Variants in TCIRG1 observed in about 807,000 individuals in gnomAD.
The protein encoded by TCIRG1 is V-type proton ATPase 116 kDa subunit a 3.
A neutral mutation model predicts 95.5 loss-of-function variants in TCIRG1; 86 were observed. That is an observed-to-expected ratio of 0.90 (90% CI 0.76 to 1.08). TCIRG1 has a LOEUF of 1.08. Among genes scored for constraint, TCIRG1 ranks in the 50% least tolerant of loss-of-function variants. The probability of loss-of-function intolerance (pLI) is 0.00; values close to 1 mark genes in which losing one functional copy is unlikely to be tolerated. For missense variants in TCIRG1, 1,069 were observed against 1,140.2 expected (o/e 0.94, Z 0.90); for synonymous variants, 499 against 501.3 (o/e 1.00, Z 0.06).
chr11:68,042,482 G>A (rs999534262), intron 3 of TCIRG1, among the ~76,000 whole-genome samples, 161 bp from the exon 4 acceptor site: 9 of 152,178 alleles, frequency 5.9e-5, no homozygotes, highest in Admixed American at 3.9e-4. Flanking sequence ...AGCTCAGGGA[G>A]GGGAGCACAG....
At position 68,047,504 on chromosome 11, in the gene TCIRG1, A is replaced by T; in HGVS notation, c.1237A>T (p.Met413Leu). The part of the protein sequence containing the change: ...MFGDVGHGLL[M>L]FLFALAMVLA... Reference sequence around the variant, plus strand: ...CGGGGATGTGGGCCACGGGCTGCTCATGTTCCTGTTCGCCCTGGCCATGGT... The same window carrying T: ...CGGGGATGTGGGCCACGGGCTGCTCTTGTTCCTGTTCGCCCTGGCCATGGT... Residue 413 changes from methionine to leucine, a missense_variant, in exon 11 of 20, where the codon ATG becomes TTG. Transcript: ENST00000265686. 6.2e-7 allele frequency: 1 copy of T among 1,613,900 alleles called. No individual in the cohort carries two copies. Among genetic ancestry groups the T allele is most frequent in the Middle Eastern group, 1.7e-4 (1 of 6,060 alleles).
rs778611687 is a variant in TCIRG1 at position 68,043,877 on chromosome 11, G to A, written c.777G>A (p.Gln259=). 1.9e-6 allele frequency: 3 copies of A among 1,563,648 alleles called. No individual in the cohort carries two copies. The highest frequency in any genetic ancestry group is 2.6e-6 in the Non-Finnish European group (3 of 1,154,880). Reference sequence around the variant, plus strand: ...AGGCCCGCCTCGGGGCCCTGCAGCAGCTGCAACAGCAGAGCCAGGAGCTGC... The same window carrying A: ...AGGCCCGCCTCGGGGCCCTGCAGCAACTGCAACAGCAGAGCCAGGAGCTGC... The part of the protein sequence containing the change: ...QEEARLGALQ[Q]LQQQSQELQE... Residue 259 remains glutamine, a synonymous_variant, in exon 8 of 20, where the codon CAG becomes CAA. Transcript: ENST00000265686.
chr11:68,051,309 C>G (rs1188866965), downstream of TCIRG1, among the ~76,000 whole-genome samples: 1 of 152,212 alleles, frequency 6.6e-6, no homozygotes, highest in Non-Finnish European at 1.5e-5. Context: ...CCCAAGGCCA[C>G]ACACCTGCCA....
rs1015931687 is a variant in TCIRG1, at chr11:68,044,867, G to A, written c.1021-91G>A. On this transcript the variant is annotated intron_variant, in intron 9 of 19. Coordinates refer to ENST00000265686, the MANE Select transcript of TCIRG1 (RefSeq NM_006019.4). Reference sequence around the variant, plus strand: ...GGGCTGCCCAGTGAGCCCCCACAGGGCTCTACATCTCCAGCTGGGCCTGGC... The same window carrying A: ...GGGCTGCCCAGTGAGCCCCCACAGGACTCTACATCTCCAGCTGGGCCTGGC... 36 of 1,545,448 alleles carry A rather than the reference G, an allele frequency of 2.3e-5. 2 individuals are homozygous for A. In the African/African-American group the frequency reaches 2.7e-4, roughly 12 times the overall value.
intron 18 of TCIRG1, 55 bp from the exon 19 acceptor site, chr11:68,050,431 AG>A: frequency 1.9e-6 from 3 of 1,611,040 alleles, no homozygotes; most frequent in Non-Finnish European, 2.5e-6. Context: ...GCAGGTAGGT[AG>A]GGGGCTGGCA....
intron 13 of TCIRG1, chr11:68,048,347 G>A (rs1462693321): frequency 8.4e-6 from 3 of 356,290 alleles, no homozygotes; most frequent in African/African-American, 2.1e-5. Context: ...AGGCTGGAGT[G>A]CAGTGGTGTG....
rs751411680 is a variant in TCIRG1 at position 68,047,662 on chromosome 11, T to C, written c.1321T>C (p.Phe441Leu). The part of the protein sequence containing the change: ...AAQNEIWQTF[F>L]RGRYLLLLMG... Reference sequence around the variant, plus strand: ...GCCCCCCCAGATCTGGCAGACTTTCTTCAGGGGCCGCTACCTGCTCCTGCT... The same window carrying C: ...GCCCCCCCAGATCTGGCAGACTTTCCTCAGGGGCCGCTACCTGCTCCTGCT... The change falls in exon 12 of 20, where the codon TTC becomes CTC. Residue 441 changes from phenylalanine to leucine, a missense_variant. Coordinates refer to ENST00000265686, the MANE Select transcript of TCIRG1 (RefSeq NM_006019.4). 1 of 1,613,496 alleles carries C rather than the reference T, an allele frequency of 6.2e-7. No homozygotes were observed. Among genetic ancestry groups the C allele is most frequent in the Non-Finnish European group, 8.5e-7 (1 of 1,180,006 alleles).
intron 15 of TCIRG1, 30 bp downstream of exon 15, chr11:68,049,324 A>T: frequency 6.3e-7 from 1 of 1,589,054 alleles, no homozygotes. Context: ...GGCCGGGCTC[A>T]CACGGCCTCA....
Position 68,044,003 on chromosome 11 carries a change from C to CCAGGAGGTGGGTG in TCIRG1, c.807+111_808-102dup, listed in dbSNP as rs1390103168. On this transcript the variant is annotated intron_variant, in intron 8 of 19. Transcript: ENST00000265686. ...GGAGGTGGGTGCCCTGGCCTGGCCT[C>CCAGGAGGTGGGTG]CAGGAGGTGGGTGCAGGAGGTGGGT... 6 of 1,311,182 alleles carry CCAGGAGGTGGGTG rather than the reference C, an allele frequency of 4.6e-6. No homozygotes were observed. In the African/African-American group the frequency reaches 8.9e-5, roughly 19 times the overall value. 81.2% of individuals were successfully genotyped at this position (1,311,182 alleles called of 1,614,324 possible). A position where few individuals can be genotyped will look rare whatever the true frequency, so the allele number is the denominator to read the frequency against.
downstream of TCIRG1, among the ~76,000 whole-genome samples, chr11:68,051,889 G>A (rs1211918357): frequency 6.6e-6 from 1 of 152,160 alleles, no homozygotes; most frequent in African/African-American, 2.4e-5. Context: ...CAGCACTCGT[G>A]GTGAGTGGCC....
At chr11:68,049,449 T>A in intron 15 of TCIRG1, 155 bp downstream of exon 15, 1 of 992,344 alleles carries the variant, frequency 1.0e-6, no homozygotes, top group Non-Finnish European at 1.5e-6. Context: ...TGTGCATCTT[T>A]AGCAGGTGGC....
At position 68,050,224 on chromosome 11, in the gene TCIRG1, C is replaced by T; in HGVS notation, c.2206C>T (p.Arg736Cys). The T allele has an allele frequency of 1.2e-6, 2 of 1,613,414 alleles. No individual in the cohort carries two copies. Among genetic ancestry groups the T allele is most frequent in the Non-Finnish European group, 1.7e-6 (2 of 1,179,908 alleles). ...CGTCTCCAACACCGCCTCCTACCTG[C>T]GCCTGTGGGCCCTGAGCCTGGCCCA... The part of the protein sequence containing the change: ...GCVSNTASYL[R>C]LWALSLAHAQ... The change falls in exon 18 of 20, where the codon CGC becomes TGC. Residue 736 changes from arginine (R) to cysteine (C), a missense_variant. Coordinates refer to ENST00000265686, the MANE Select transcript of TCIRG1 (RefSeq NM_006019.4).
At chr11:68,047,051 C>T (rs527561096) in intron 10 of TCIRG1, 47 of 383,304 alleles carry the variant, frequency 1.2e-4, no homozygotes, top group Middle Eastern at 7.9e-4. Flanking sequence ...CGCTCTGTCG[C>T]GCAGGCTGGA....
At chr11:68,052,193 G>C (rs1456667515), downstream of TCIRG1, 2 of 152,188 alleles carry the variant, frequency 1.3e-5, no homozygotes, top group Admixed American at 6.6e-5. Context: ...CTCCAGGAAA[G>C]TTAAGCTGCA....
rs1330776639 is a variant in TCIRG1, at chr11:68,049,366, G to A, written c.1887+72G>A. ...CCCCGCGGTCACAGGGCCACTGGGA[G>A]CTGCAAGATCCTCGTCCGAGAAACG... On this transcript the variant is annotated intron_variant, in intron 15 of 19. Transcript: ENST00000265686. 2.7e-6 allele frequency: 4 copies of A among 1,458,902 alleles called. No homozygotes were observed. The East Asian group carries it at 6.8e-5, about 25-fold the overall frequency. The allele number at this position is 1,458,902 out of a possible 1,614,324, so 90.4% of individuals were successfully genotyped here. A position where few individuals can be genotyped will look rare whatever the true frequency, so the allele number is the denominator to read the frequency against.
At chr11:68,052,671 GGAA>G (rs1404301791), downstream of TCIRG1, among the ~76,000 whole-genome samples, 1 of 152,078 alleles carries the variant, frequency 6.6e-6, no homozygotes, top group Non-Finnish European at 1.5e-5. Flanking sequence ...AGTGTGCTGG[GGAA>G]GAAGAGGAGG....
At chr11:68,050,306 C>T (rs964145322) in intron 18 of TCIRG1, 52 bp downstream of exon 18, 8 of 1,598,596 alleles carry the variant, frequency 5.0e-6, no homozygotes, top group Middle Eastern at 1.6e-4. Context: ...TTCTCACATA[C>T]CGCTGCTGGC....
At position 68,050,240 on chromosome 11, in the gene TCIRG1, G is replaced by A. The variant is rs769184155; in HGVS notation, c.2222G>A (p.Ser741Asn). ...TASYLRLWALSLAHAQLSEVL... is the reference protein window; with the variant it reads ...TASYLRLWALNLAHAQLSEVL... ...TCCTACCTGCGCCTGTGGGCCCTGAGCCTGGCCCACGCCCGTGAGTGACCT... is the reference window on the plus strand; with the variant it reads ...TCCTACCTGCGCCTGTGGGCCCTGAACCTGGCCCACGCCCGTGAGTGACCT... The change falls in exon 18 of 20, where the codon AGC becomes AAC. Residue 741 changes from serine to asparagine, a missense_variant. Ser to Asn is a conservative substitution (Grantham distance 46). Coordinates refer to ENST00000265686, the MANE Select transcript of TCIRG1 (RefSeq NM_006019.4). 8.7e-6 allele frequency: 14 copies of A among 1,612,978 alleles called. No homozygotes were observed. The highest frequency in any genetic ancestry group is 1.0e-5 in the Non-Finnish European group (12 of 1,179,864).
intron 15 of TCIRG1, 29 bp from the exon 16 acceptor site, chr11:68,049,634 C>T (rs374113429): frequency 7.5e-6 from 12 of 1,595,348 alleles, no homozygotes; most frequent in Admixed American, 1.7e-5. Flanking sequence ...ACAGCAGGGA[C>T]GCCCTGACTC....
Sources: allele counts gnomAD v4.1 joint callset (sites outside exome capture counted in the v4.1 genomes callset), GRCh38; gene constraint gnomAD v4.1.1; transcripts MANE v1.5; gene names NCBI Gene and HGNC (gene_info 2026-07-23, HGNC 2026-07-21).